UCKL1: variants seen among roughly 807,000 people sequenced by gnomAD.
The protein encoded by UCKL1 is uridine-cytidine kinase 1 like 1, also known as uridine-cytidine kinase-like 1.
A neutral mutation model predicts 59.2 loss-of-function variants in UCKL1; 65 were observed. The observed-to-expected ratio is 1.10, with a 90% CI of 0.90 to 1.35. UCKL1 has a LOEUF of 1.35. Ranked by LOEUF, UCKL1 falls within the 40% of genes most tolerant of loss-of-function variation. The pLI is 0.00. For synonymous variants in UCKL1, 410 were observed against 323.1 expected, an observed-to-expected ratio of 1.27 and a Z score of -2.88; for missense variants, 703 against 784.3, an observed-to-expected ratio of 0.90 and a Z score of 1.24.
rs773428204 is a variant in UCKL1 at position 63,946,634 on chromosome 20, T to C, written c.123A>G (p.Ala41=). The C allele has an allele frequency of 6.2e-7, 1 of 1,608,048 alleles. No homozygotes were observed. Among genetic ancestry groups the C allele is most frequent in the Admixed American group, 1.7e-5 (1 of 59,950 alleles). ...GTGGCAGGAGCCTGTCCAGGGACTC[T>C]GCATTGCTGCTGCAGAGAGGGATGT... is the stretch of plus-strand genomic sequence containing the variant. ...SETACEDRSN[A]ESLDRLLPPV... Residue 41 remains alanine (A), a synonymous_variant, in exon 2 of 15, where the codon GCA becomes GCG. Transcript: ENST00000354216.
In UCKL1 at chr20:63,946,480, T is replaced by TCACATTTGAATGTTTTTAAA; in HGVS notation, c.276_277insTTTAAAAACATTCAAATGTG (p.Thr93PhefsTer7). The TCACATTTGAATGTTTTTAAA allele has an allele frequency of 6.4e-7, 1 of 1,574,674 alleles. No individual in the cohort carries two copies. The highest frequency in any genetic ancestry group is 2.2e-5 in the East Asian group (1 of 44,452). On this transcript the variant is annotated frameshift_variant, in exon 2 of 15. Transcript: ENST00000354216. LOFTEE classifies it high-confidence loss of function. The stretch of plus-strand genomic sequence containing the variant: ...ATGGCGAAGGCCTCTTTGGATTGCG[T>TCACATTTGAATGTTTTTAAA]GCCGTGTTCATTGTACCAGGGCGGC...
chr20:63,944,487 G>A lies in UCKL1; in HGVS notation c.845-29C>T, dbSNP rs370656206. On this transcript the variant is annotated intron_variant, in intron 6 of 14. Coordinates refer to ENST00000354216, the MANE Select transcript of UCKL1 (RefSeq NM_017859.4). The stretch of plus-strand genomic sequence containing the variant: ...GGGCGGGATGGGGGGGCGGGTGACC[G>A]GGGGCTGGGCCGTTGGCCTGCCCGA... 5.2e-4 allele frequency: 817 copies of A among 1,577,796 alleles called. 2 individuals carry two copies. Among genetic ancestry groups the A allele is most frequent in the Middle Eastern group, 6.9e-4 (4 of 5,836 alleles).
chr20:63,941,624 G>T, intron 8 of UCKL1: 1 of 234,738 alleles, frequency 4.3e-6, no homozygotes. Context: ...GTGGGGTCAG[G>T]CCCCGCCCTG....
chr20:63,939,864 G>T lies in UCKL1; in HGVS notation c.*112C>A. On this transcript the variant is annotated 3_prime_UTR_variant, in exon 15 of 15. Transcript: ENST00000354216. ...TAAAGCTTTATTTATTTTATAAAAT[G>T]CATAGAATAAATTATACTAGTAACA... 2.2e-6 allele frequency: 2 copies of T among 919,408 alleles called. No homozygotes were observed. The highest frequency in any genetic ancestry group is 1.6e-6 in the Non-Finnish European group (1 of 611,396). The allele number at this position is 919,408 out of a possible 1,614,324, so 57.0% of individuals were successfully genotyped here.
intron 1 of UCKL1, among the ~76,000 whole-genome samples, chr20:63,949,759 G>A (rs1004074464): frequency 2.0e-5 from 3 of 152,208 alleles, no homozygotes; most frequent in Admixed American, 6.5e-5. Flanking sequence ...AGGAAGCCCC[G>A]ACACAATCTG....
At chr20:63,949,581 G>A (rs2057268711) in intron 1 of UCKL1, among the ~76,000 whole-genome samples, 2 of 152,362 alleles carry the variant, frequency 1.3e-5, no homozygotes, top group East Asian at 1.9e-4. Context: ...CCGCAGCTGT[G>A]CACAGTGGGG....
chr20:63,950,845 G>T, intron 1 of UCKL1: 1 of 1,506,658 alleles, frequency 6.6e-7, no homozygotes, highest in Non-Finnish European at 8.9e-7. Flanking sequence ...ACACGGGTGG[G>T]TGCTCCTGAA....
rs572967472 is a variant in UCKL1, at chr20:63,941,621, C to T, written c.924-413G>A. 6.1e-3 allele frequency: 1,440 copies of T among 234,948 alleles called. 11 individuals carry two copies. Among genetic ancestry groups the T allele is most frequent in the Non-Finnish European group, 7.0e-3 (738 of 105,826 alleles). The allele number at this position is 234,948 out of a possible 1,614,324, so 14.6% of individuals were successfully genotyped here. ...CGGGGGAACTAAAGCTTTGTGGGGT[C>T]AGGCCCCGCCCTGGCTCCTCCCCGA... On this transcript the variant is annotated intron_variant, in intron 8 of 14. Coordinates refer to ENST00000354216, the MANE Select transcript of UCKL1 (RefSeq NM_017859.4).
intron 8 of UCKL1, chr20:63,941,417 A>G: frequency 1.4e-6 from 1 of 717,426 alleles, no homozygotes; most frequent in South Asian, 1.8e-5. Context: ...GATGGCGGCG[A>G]ACAACGGGGC....
At chr20:63,947,471 A>G (rs577826751) in intron 1 of UCKL1, among the ~76,000 whole-genome samples, 2 of 152,270 alleles carry the variant, frequency 1.3e-5, no homozygotes, top group Admixed American at 1.3e-4. Context: ...TTGTGCGCAC[A>G]CACCGAGGGT....
intron 1 of UCKL1, among the ~76,000 whole-genome samples, chr20:63,946,887 G>A (rs1488277169): frequency 1.3e-5 from 2 of 151,990 alleles, no homozygotes; most frequent in East Asian, 1.9e-4. Flanking sequence ...AGACCAGCCT[G>A]GCCAACATGG....
intron 5 of UCKL1, among the ~76,000 whole-genome samples, chr20:63,945,109 C>T (rs2055794945): frequency 6.6e-6 from 1 of 152,198 alleles, no homozygotes; most frequent in Non-Finnish European, 1.5e-5. Context: ...TGCACCAACA[C>T]ACTGGGGAAT....
Position 63,945,707 on chromosome 20 carries a change from C to T in UCKL1, c.598G>A (p.Ala200Thr). Residue 200 changes from alanine (A) to threonine (T), a missense_variant, in exon 5 of 15, where the codon GCA becomes ACA. Physicochemically the swap from Ala to Thr is moderately conservative, Grantham distance 58. Around this residue, in one of 4 missense-constraint regions of UCKL1, gnomAD observed 398 missense variants for 373.0 expected, o/e 1.07. Coordinates refer to ENST00000354216, the MANE Select transcript of UCKL1 (RefSeq NM_017859.4). ...RKKDWKTLYG[A>T]NVIIFEGIMA... ...ATGCCCTCAAAGATGATGACGTTTG[C>T]ACCATACAGTGTTTTCTGTGAAGAA... 1 of 1,613,162 alleles carries T rather than the reference C, an allele frequency of 6.2e-7. No homozygotes were observed. Among genetic ancestry groups the T allele is most frequent in the Non-Finnish European group, 8.5e-7 (1 of 1,179,852 alleles).
intron 1 of UCKL1, chr20:63,954,833 A>AC (rs1190183722): frequency 6.6e-6 from 1 of 152,206 alleles, no homozygotes; most frequent in Non-Finnish European, 1.5e-5. Context: ...TGCCCAGCCC[A>AC]CCGTCTGTGC....
intron 1 of UCKL1, among the ~76,000 whole-genome samples, chr20:63,950,162 G>A (rs1036928222): frequency 6.6e-6 from 1 of 152,196 alleles, no homozygotes; most frequent in Non-Finnish European, 1.5e-5. Context: ...CCGCCTCACC[G>A]CAGGCCTGTG....
In UCKL1 at chr20:63,941,226, G is replaced by T; in HGVS notation, c.924-18C>A. 2.0e-6 allele frequency: 3 copies of T among 1,493,230 alleles called. No individual in the cohort carries two copies. Among genetic ancestry groups the T allele is most frequent in the South Asian group, 2.6e-5 (2 of 77,518 alleles). The allele number at this position is 1,493,230 out of a possible 1,614,324, so 92.5% of individuals were successfully genotyped here. On this transcript the variant is annotated intron_variant, in intron 8 of 14. Transcript: ENST00000354216. ...GCGCAGCCCTGGGGACAAACCGATG[G>T]GGAACACTCAAGAAGGGGGTCTTTT...
chr20:63,947,919 G>A lies in UCKL1; in HGVS notation c.114-1276C>T, dbSNP rs373041726. ...TCAGTTTACAACCTCAAGTGGGCAGGGGGCCGTGACTGGCCATGGAGCCCT... is the reference window on the plus strand; with the variant it reads ...TCAGTTTACAACCTCAAGTGGGCAGAGGGCCGTGACTGGCCATGGAGCCCT... On this transcript the variant is annotated intron_variant, in intron 1 of 14. Coordinates refer to ENST00000354216, the MANE Select transcript of UCKL1 (RefSeq NM_017859.4). Among the ~76,000 whole-genome samples the A allele has an allele frequency of 5.3e-5, 8 of 152,348 alleles. No individual in the cohort carries two copies. In the East Asian group the frequency reaches 1.2e-3, roughly 22 times the overall value.
intron 3 of UCKL1, 21 bp downstream of exon 3, chr20:63,946,140 G>C: frequency 6.2e-7 from 1 of 1,610,786 alleles, no homozygotes; most frequent in Non-Finnish European, 8.5e-7. Context: ...GGGTCCTCGG[G>C]GGAGCTGGGC....
chr20:63,951,192 G>A, intron 1 of UCKL1: 2 of 1,018,664 alleles, frequency 2.0e-6, no homozygotes, highest in Non-Finnish European at 2.3e-6. Flanking sequence ...TCACCCAGCT[G>A]GGGGCTTGTG....
Sources: allele counts gnomAD v4.1 joint callset (sites outside exome capture counted in the v4.1 genomes callset), GRCh38; gene constraint gnomAD v4.1.1; regional missense constraint gnomAD v4.1.1; transcripts MANE v1.5; gene names NCBI Gene and HGNC (gene_info 2026-07-23, HGNC 2026-07-21).